The following NDST4 variants were observed in gnomAD, a reference collection of about 807,000 sequenced individuals.
NDST4 encodes the protein N-heparan sulfate sulfotransferase 4.
In NDST4, 63 loss-of-function variants were observed where a neutral mutation model predicts 100.8. The ratio of observed to expected loss-of-function variants is 0.62; its 90% CI spans 0.51 to 0.77. The LOEUF is 0.77. Ranked by LOEUF, NDST4 falls within the 30% of genes least tolerant of loss-of-function variation. NDST4 has a pLI of 0.00. For synonymous variants in NDST4, 377 were observed against 361.8 expected (o/e 1.04, Z -0.48); for missense variants, 943 against 1,018.4 (o/e 0.93, Z 1.01).
At chr4:115,030,667 A>G (rs576102978) in intron 2 of NDST4, among the ~76,000 whole-genome samples, 1 of 152,286 alleles carries the variant, frequency 6.6e-6, no homozygotes, top group Non-Finnish European at 1.5e-5. Flanking sequence ...AATACTGATC[A>G]TATAAGTGTG....
At chr4:114,983,801 C>T (rs1451274133) in intron 2 of NDST4, among the ~76,000 whole-genome samples, 1 of 152,118 alleles carries the variant, frequency 6.6e-6, no homozygotes, top group African/African-American at 2.4e-5. Context: ...AATCTCATGT[C>T]AAATTGTAAT....
At chr4:115,044,835 A>G (rs900765858) in intron 2 of NDST4, among the ~76,000 whole-genome samples, 2 of 151,816 alleles carry the variant, frequency 1.3e-5, no homozygotes, top group Non-Finnish European at 2.9e-5. Context: ...AATGACTGAT[A>G]AAGACATGAA....
Position 115,050,926 on chromosome 4 carries a change from C to T in NDST4, c.978+25133G>A, listed in dbSNP as rs534589650. Among the ~76,000 whole-genome samples, 387 of 152,142 alleles carry T rather than the reference C, an allele frequency of 2.5e-3. 1 individual carries two copies. Among genetic ancestry groups the T allele is most frequent in the Non-Finnish European group, 4.5e-3 (305 of 67,948 alleles). ...GGTTTGTAGTGCAGAGAACTCTATTCCAGGAGAAAATCCCCGGATTAATCA... is the reference window on the plus strand; with the variant it reads ...GGTTTGTAGTGCAGAGAACTCTATTTCAGGAGAAAATCCCCGGATTAATCA... On this transcript the variant is annotated intron_variant, in intron 2 of 13. Transcript: ENST00000264363.
chr4:115,013,198 CCAAA>C (rs903478647), intron 2 of NDST4, among the ~76,000 whole-genome samples: 2 of 149,974 alleles, frequency 1.3e-5, no homozygotes, highest in Non-Finnish European at 3.0e-5. Flanking sequence ...ATTTTAATAA[CCAAA>C]CAAGTATAAT....
intron 9 of NDST4, among the ~76,000 whole-genome samples, chr4:114,847,777 C>T (rs28646187): frequency 0.076 from 11,498 of 152,108 alleles, 1,253 homozygotes; most frequent in African/African-American, 0.24. Context: ...TATCAGCCTA[C>T]ATTATAACAA....
At chr4:114,970,150 A>G (rs1481096998) in intron 4 of NDST4, among the ~76,000 whole-genome samples, 2 of 147,894 alleles carry the variant, frequency 1.4e-5, no homozygotes, top group Non-Finnish European at 2.9e-5. Context: ...CTTCATAGAT[A>G]CAAGAGTAGT....
intron 8 of NDST4, among the ~76,000 whole-genome samples, chr4:114,848,895 T>C (rs1456480081): frequency 6.6e-6 from 1 of 152,206 alleles, no homozygotes; most frequent in African/African-American, 2.4e-5. Context: ...AATTGTGATG[T>C]TGTGGGACAG....
At chr4:115,111,377 T>C (rs1472464105) in intron 1 of NDST4, among the ~76,000 whole-genome samples, 1 of 151,784 alleles carries the variant, frequency 6.6e-6, no homozygotes, top group East Asian at 1.9e-4. Context: ...GAGGTGAACA[T>C]AAGCATGAGC....
chr4:115,082,217 T>C (rs185500489), intron 1 of NDST4, among the ~76,000 whole-genome samples: 8 of 152,340 alleles, frequency 5.3e-5, no homozygotes, highest in Non-Finnish European at 8.8e-5. Flanking sequence ...TTTGACTCTC[T>C]TTCAAGATTA....
At chr4:114,934,248 A>C (rs1899336) in intron 6 of NDST4, among the ~76,000 whole-genome samples, 151,262 of 152,200 alleles carry the variant, frequency 0.99, 75,165 homozygotes, top group Middle Eastern at 1. Context: ...ATAAGTCAGG[A>C]CCAGAAAGAC....
Position 115,076,656 on chromosome 4 carries a change from T to C in NDST4, c.381A>G (p.Lys127=), listed in dbSNP as rs1375989218. ...IPPLTDNGKG[K]YTLVIYENIL... Reference sequence around the variant, plus strand: ...TATTTTCATAAATAACTAAAGTATATTTCCCTTTGCCATTATCTGTAAGAG... The same window carrying C: ...TATTTTCATAAATAACTAAAGTATACTTCCCTTTGCCATTATCTGTAAGAG... The change falls in exon 2 of 14, where the codon AAA becomes AAG. Residue 127 remains lysine (K), a synonymous_variant. Transcript: ENST00000264363. The C allele has an allele frequency of 6.2e-6, 10 of 1,613,786 alleles. No individual in the cohort carries two copies. The highest frequency in any genetic ancestry group is 8.5e-6 in the Non-Finnish European group (10 of 1,179,924).
chr4:114,908,653 T>A (rs1186209267), intron 6 of NDST4, among the ~76,000 whole-genome samples: 1 of 152,180 alleles, frequency 6.6e-6, no homozygotes, highest in East Asian at 1.9e-4. Flanking sequence ...TTTTTGGTTA[T>A]AAAAGGTTAA....
chr4:114,989,399 AC>A (rs1357917592), intron 2 of NDST4, among the ~76,000 whole-genome samples: 1 of 152,226 alleles, frequency 6.6e-6, no homozygotes, highest in Non-Finnish European at 1.5e-5. Context: ...TGCCATGCTT[AC>A]CTATTCAAGA....
At chr4:115,096,774 G>A (rs545971080) in intron 1 of NDST4, among the ~76,000 whole-genome samples, 17 of 151,856 alleles carry the variant, frequency 1.1e-4, no homozygotes, top group African/African-American at 3.4e-4. Flanking sequence ...ACAATCTATC[G>A]CTATATTTTG....
intron 6 of NDST4, among the ~76,000 whole-genome samples, chr4:114,886,514 G>C (rs151179479): frequency 1.4e-4 from 21 of 152,154 alleles, no homozygotes; most frequent in Middle Eastern, 3.4e-3. Context: ...ATGATGATGA[G>C]AAATAAGTAT....
intron 6 of NDST4, among the ~76,000 whole-genome samples, chr4:114,881,421 G>C (rs927110100): frequency 2.6e-5 from 4 of 152,088 alleles, no homozygotes; most frequent in Non-Finnish European, 5.9e-5. Flanking sequence ...ATAGATACTG[G>C]AGCAATTTCA....
chr4:115,095,162 G>C (rs1477159870), intron 1 of NDST4, among the ~76,000 whole-genome samples: 1 of 151,854 alleles, frequency 6.6e-6, no homozygotes, highest in Non-Finnish European at 1.5e-5. Flanking sequence ...CATCAAACAG[G>C]AGCCTCACAA....
intron 2 of NDST4, among the ~76,000 whole-genome samples, chr4:115,022,936 T>G (rs778426738): frequency 1.3e-5 from 2 of 152,182 alleles, no homozygotes; most frequent in African/African-American, 2.4e-5. Flanking sequence ...CCATTAAACT[T>G]ATTTTTCTCC....
chr4:114,960,575 A>T (rs1341063042), intron 4 of NDST4, among the ~76,000 whole-genome samples: 1 of 152,142 alleles, frequency 6.6e-6, no homozygotes, highest in Non-Finnish European at 1.5e-5. Flanking sequence ...AAAGAAAGAA[A>T]TAAAGAATGT....
Sources: allele counts gnomAD v4.1 joint callset (sites outside exome capture counted in the v4.1 genomes callset), GRCh38; gene constraint gnomAD v4.1.1; transcripts MANE v1.5; gene names NCBI Gene and HGNC (gene_info 2026-07-23, HGNC 2026-07-21).